The following TYRP1 variants were observed in gnomAD, a reference collection of about 807,000 sequenced individuals.
TYRP1 encodes 5,6-dihydroxyindole-2-carboxylic acid oxidase.
A neutral mutation model predicts 42.8 loss-of-function variants in TYRP1; 49 were observed. The ratio of observed to expected loss-of-function variants is 1.14; its 90% CI spans 0.91 to 1.45. The LOEUF (loss-of-function observed/expected upper bound fraction) is 1.45. Among genes scored for constraint, TYRP1 ranks in the 40% most tolerant of loss-of-function variants. The pLI is 0.00. For missense variants in TYRP1, 848 were observed against 662.0 expected (o/e 1.28, Z -3.08); for synonymous variants, 279 against 235.4 (o/e 1.19, Z -1.69).
chr9:12,702,647 A>AATCAT (rs1256767169), intron 5 of TYRP1, among the ~76,000 whole-genome samples: 128 of 152,174 alleles, frequency 8.4e-4, no homozygotes, highest in African/African-American at 2.8e-3. Flanking sequence ...TTATAGGTGA[A>AATCAT]GCCCTTGGAA....
rs776869547 is a variant in TYRP1, at chr9:12,708,959, A to AATCT, written c.1409-18_1409-17insATCT. Reference sequence around the variant, plus strand: ...TTTTAATATTTGTCTTTTTATTTTTATCTTCCTTTCCAAATAGGTCGGGAG... The same window carrying AATCT: ...TTTTAATATTTGTCTTTTTATTTTTAATCTTCTTCCTTTCCAAATAGGTCGGGAG... On this transcript the variant is annotated splice_polypyrimidine_tract_variant and intron_variant, in intron 7 of 7. Coordinates refer to ENST00000388918, the MANE Select transcript of TYRP1 (RefSeq NM_000550.3). 1.3e-6 allele frequency: 2 copies of AATCT among 1,503,798 alleles called. No homozygotes were observed. The highest frequency in any genetic ancestry group is 4.0e-5 in the Admixed American group (2 of 49,596). 93.2% of individuals were successfully genotyped at this position (1,503,798 alleles called of 1,614,324 possible). A position where few individuals can be genotyped will look rare whatever the true frequency, so the allele number is the denominator to read the frequency against.
At chr9:12,695,939 T>TGAA (rs1818073664) in intron 3 of TYRP1, 102 bp downstream of exon 3, 1 of 1,310,436 alleles carries the variant, frequency 7.6e-7, no homozygotes, top group East Asian at 2.4e-5. Context: ...GAACATTTGA[T>TGAA]GAAAAAGCAA....
Position 12,694,086 on chromosome 9 carries a change from T to C in TYRP1, c.90T>C (p.Cys30=). Residue 30 remains cysteine (C), a synonymous_variant, in exon 2 of 8, where the codon TGT becomes TGC. Coordinates refer to ENST00000388918, the MANE Select transcript of TYRP1 (RefSeq NM_000550.3). ...QQARAQFPRQ[C]ATVEALRSGM... ...CCCGGGCTCAATTCCCAAGACAGTG[T>C]GCCACTGTTGAGGCTTTGAGAAGTG... The C allele has an allele frequency of 1.2e-6, 2 of 1,614,090 alleles. No homozygotes were observed. Among genetic ancestry groups the C allele is most frequent in the African/African-American group, 1.3e-5 (1 of 75,030 alleles).
intron 4 of TYRP1, chr9:12,701,770 T>A (rs1818172529): frequency 6.5e-6 from 1 of 154,184 alleles, no homozygotes; most frequent in African/African-American, 2.4e-5. Flanking sequence ...CTGAAAAAGT[T>A]GAAAAATGTG....
chr9:12,708,617 A>AATCT (rs777894297), intron 7 of TYRP1, among the ~76,000 whole-genome samples: 24 of 151,922 alleles, frequency 1.6e-4, no homozygotes, highest in Non-Finnish European at 3.1e-4. Flanking sequence ...TTTTTGTTTA[A>AATCT]ATCTTTTCCC....
chr9:12,694,708 G>T (rs536073216), intron 2 of TYRP1, among the ~76,000 whole-genome samples: 1 of 152,292 alleles, frequency 6.6e-6, no homozygotes, highest in South Asian at 2.1e-4. Context: ...ATGAGGTTCA[G>T]AAAGTTCAAA....
At chr9:12,704,425 G>A (rs1034737565) in intron 5 of TYRP1, 101 bp from the exon 6 acceptor site, 90 of 1,367,812 alleles carry the variant, frequency 6.6e-5, no homozygotes, top group Non-Finnish European at 8.4e-5. Flanking sequence ...TTGGCCTGAC[G>A]AGCCTTGAAA....
intron 4 of TYRP1, 28 bp downstream of exon 4, chr9:12,698,683 A>C (rs1818118135): frequency 1.2e-6 from 2 of 1,600,846 alleles, no homozygotes; most frequent in African/African-American, 2.7e-5. Context: ...GCTTGGAGTC[A>C]GAATTTCTTT....
chr9:12,699,969 A>G (rs1818140068), intron 4 of TYRP1: 1 of 152,124 alleles, frequency 6.6e-6, no homozygotes, highest in African/African-American at 2.4e-5. Flanking sequence ...TAATATAACA[A>G]GTCTCCTAAC....
Position 12,698,467 on chromosome 9 carries a change from CT to C in TYRP1, c.727del (p.Ser243LeufsTer23). ...GTGATCTAGGAAATGTTGCAAGAGC[CT>C]TCTTTCTCCCTTCCTTACTGGAATT... is the stretch of plus-strand genomic sequence containing the variant. ...EKDMQEMLQE[P>X]SFSLPYWNFA... On this transcript the variant is annotated frameshift_variant, in exon 4 of 8. Transcript: ENST00000388918. LOFTEE classifies it high-confidence loss of function. 1 of 1,613,644 alleles carries C rather than the reference CT, an allele frequency of 6.2e-7. No homozygotes were observed. The highest frequency in any genetic ancestry group is 8.5e-7 in the Non-Finnish European group (1 of 1,179,694).
At chr9:12,697,851 G>C (rs1406767106) in intron 3 of TYRP1, among the ~76,000 whole-genome samples, 1 of 152,116 alleles carries the variant, frequency 6.6e-6, no homozygotes, top group Non-Finnish European at 1.5e-5. Flanking sequence ...AGAAGCCTGA[G>C]TCTTAAAAGT....
chr9:12,704,666 G>T lies in TYRP1; in HGVS notation c.1222G>T (p.Asp408Tyr). ...TTTTGTCCTCCTGCACACCTTCACA[G>T]ATGCAGTCTTTGATGAATGGCTGAG... Reference protein sequence around the residue: ...PIFVLLHTFTDAVFDEWLRRY... With the variant: ...PIFVLLHTFTYAVFDEWLRRY... The change falls in exon 6 of 8, where the codon GAT (aspartate) becomes TAT (tyrosine). Residue 408 changes from aspartate to tyrosine, a missense_variant. Physicochemically the swap from Asp to Tyr is radical, Grantham distance 160. Coordinates refer to ENST00000388918, the MANE Select transcript of TYRP1 (RefSeq NM_000550.3). 6.2e-7 allele frequency: 1 copy of T among 1,613,034 alleles called. No homozygotes were observed. The highest frequency in any genetic ancestry group is 8.5e-7 in the Non-Finnish European group (1 of 1,179,402).
intron 6 of TYRP1, among the ~76,000 whole-genome samples, chr9:12,705,834 CAG>C (rs33955475): frequency 0.083 from 12,634 of 151,938 alleles, 846 homozygotes; most frequent in South Asian, 0.21. Context: ...CTGACAGAGA[CAG>C]AGTTAGTTTT....
rs41305649 is a variant in TYRP1 at position 12,708,452 on chromosome 9, C to T, written c.1408+309C>T. 1.6e-4 allele frequency among the ~76,000 whole-genome samples: 24 copies of T among 152,048 alleles called. No individual in the cohort carries two copies. In the East Asian group the frequency reaches 4.5e-3, roughly 28 times the overall value. On this transcript the variant is annotated intron_variant, in intron 7 of 7. Coordinates refer to ENST00000388918, the MANE Select transcript of TYRP1 (RefSeq NM_000550.3). ...AAATAGGTTAACTGTTACAGATTCA[C>T]ATTTCTAATGAGGGAAGAGAATGAG... is the stretch of plus-strand genomic sequence containing the variant.
At chr9:12,699,179 C>G (rs552820361) in intron 4 of TYRP1, among the ~76,000 whole-genome samples, 36 of 152,206 alleles carry the variant, frequency 2.4e-4, no homozygotes, top group South Asian at 6.2e-4. Flanking sequence ...TGTCTGCCCC[C>G]TAGCTGCTTT....
intron 4 of TYRP1, among the ~76,000 whole-genome samples, chr9:12,699,477 G>T (rs924360073): frequency 6.6e-6 from 1 of 151,736 alleles, no homozygotes; most frequent in African/African-American, 2.4e-5. Context: ...ATGTGAATTT[G>T]TTTTCTTATT....
rs569764124 is a variant in TYRP1 at position 12,703,027 on chromosome 9, T to C, written c.1081+589T>C. ...GAGGTATAAACAGGTAAAATTACTA[T>C]CACAAGATATTCAGCTAGTTACTAA... On this transcript the variant is annotated intron_variant, in intron 5 of 7. Transcript: ENST00000388918. Among the ~76,000 whole-genome samples, 10 of 152,134 alleles carry C rather than the reference T, an allele frequency of 6.6e-5. No homozygotes were observed. The South Asian group carries it at 2.1e-3, about 32-fold the overall frequency.
intron 6 of TYRP1, among the ~76,000 whole-genome samples, chr9:12,705,266 G>A (rs997439694): frequency 6.6e-6 from 1 of 151,928 alleles, no homozygotes; most frequent in African/African-American, 2.4e-5. Context: ...CTCTTTCTCT[G>A]CCTTCCTATG....
chr9:12,697,906 T>C (rs184123160), intron 3 of TYRP1, among the ~76,000 whole-genome samples: 2 of 152,292 alleles, frequency 1.3e-5, no homozygotes, highest in East Asian at 3.9e-4. Context: ...CCTTCCGTGC[T>C]CAGTGTGAAA....
Sources: gnomAD v4.1 joint callset for allele counts (sites outside exome capture counted in the v4.1 genomes callset) on GRCh38, gnomAD v4.1.1 for gene constraint, MANE v1.5 for transcripts, NCBI Gene and HGNC (gene_info 2026-07-23, HGNC 2026-07-21) for gene names.